The following OSBPL3 variants were observed in gnomAD, a reference collection of about 807,000 sequenced individuals.
The protein encoded by OSBPL3 is oxysterol-binding protein-related protein 3.
Under a neutral mutation model 120.1 loss-of-function variants are expected in OSBPL3, and 65 were observed. That is an observed-to-expected ratio of 0.54 (90% CI 0.44 to 0.67). OSBPL3 has a LOEUF of 0.67. Ranked by LOEUF, OSBPL3 falls within the 30% of genes least tolerant of loss-of-function variation. The pLI, the probability that OSBPL3 is intolerant of heterozygous loss-of-function variation, is 0.00. For missense variants in OSBPL3, 1,004 were observed against 1,082.1 expected, an observed-to-expected ratio of 0.93 and a Z score of 1.01; for synonymous variants, 416 against 402.6, an observed-to-expected ratio of 1.03 and a Z score of -0.40.
chr7:24,923,578 G>A (rs76754701), intron 1 of OSBPL3, among the ~76,000 whole-genome samples: 4 of 152,110 alleles, frequency 2.6e-5, no homozygotes, highest in African/African-American at 9.7e-5. Context: ...GAGAGGGAGG[G>A]AGAGACTAAA....
Position 24,871,922 on chromosome 7 carries a change from C to A in OSBPL3, c.213+31G>T. On this transcript the variant is annotated intron_variant, in intron 3 of 22. Coordinates refer to ENST00000313367, the MANE Select transcript of OSBPL3 (RefSeq NM_015550.4). The surrounding 1 kb of genome is among the most constrained non-coding windows in gnomAD (Gnocchi z 4.8). ...GGTGCTGAGTGGGGCAGTGTGAGTG[C>A]AAATAAAGGGGAGGCCAAGACCAAC... The A allele has an allele frequency of 6.6e-7, 1 of 1,524,114 alleles. No individual in the cohort carries two copies. The highest frequency in any genetic ancestry group is 1.7e-5 in the Admixed American group (1 of 59,926). The allele number at this position is 1,524,114 out of a possible 1,614,324, so 94.4% of individuals were successfully genotyped here. A position where few individuals can be genotyped will look rare whatever the true frequency, so the allele number is the denominator to read the frequency against.
chr7:24,972,825 AG>A lies in OSBPL3; in HGVS notation c.-150+7060del, dbSNP rs1290772947. Among the ~76,000 whole-genome samples, 1 of 152,122 alleles carries A rather than the reference AG, an allele frequency of 6.6e-6. No homozygotes were observed. Among genetic ancestry groups the A allele is most frequent in the Non-Finnish European group, 1.5e-5 (1 of 68,008 alleles). On this transcript the variant is annotated intron_variant, in intron 1 of 22. Coordinates refer to ENST00000313367, the MANE Select transcript of OSBPL3 (RefSeq NM_015550.4). This position sits in a 1 kb window ranked among gnomAD's most constrained non-coding sequence, Gnocchi z 4.3. The stretch of plus-strand genomic sequence containing the variant: ...ACTGTCCACCACAAATTACTTGGGG[AG>A]GGAGAAATATTTGTTTTATAAGATG...
In OSBPL3 at chr7:24,845,384, T is replaced by TAA. The variant is rs34559902; in HGVS notation, c.1267-2973_1267-2972dup. On this transcript the variant is annotated intron_variant, in intron 12 of 22. Transcript: ENST00000313367. The stretch of plus-strand genomic sequence containing the variant: ...GAATTTACAAATATTGCAAAATAAG[T>TAA]AAAAAAAAAAAAAAAAAAAAAAAAA... Among the ~76,000 whole-genome samples, 239 of 62,262 alleles carry TAA rather than the reference T, an allele frequency of 3.8e-3. 10 individuals are homozygous for TAA. The highest frequency in any genetic ancestry group is 0.01 in the South Asian group (12 of 1,180). 40.8% of individuals were successfully genotyped at this position (62,262 alleles called of 152,430 possible). A position where few individuals can be genotyped will look rare whatever the true frequency, so the allele number is the denominator to read the frequency against.
intron 1 of OSBPL3, among the ~76,000 whole-genome samples, chr7:24,950,562 A>G (rs1814284939): frequency 6.6e-6 from 1 of 151,498 alleles, no homozygotes; most frequent in African/African-American, 2.4e-5. Context: ...CTCTACTAAA[A>G]ATACAAAAAA....
intron 22 of OSBPL3, among the ~76,000 whole-genome samples, chr7:24,800,931 G>A (rs1340456056): frequency 6.7e-6 from 1 of 148,532 alleles, no homozygotes; most frequent in African/African-American, 2.5e-5. Context: ...CATAGGAAGT[G>A]GTTAACTTTT....
intron 1 of OSBPL3, among the ~76,000 whole-genome samples, chr7:24,914,745 G>T (rs1044808164): frequency 1.3e-5 from 2 of 152,276 alleles, no homozygotes; most frequent in Non-Finnish European, 2.9e-5. Flanking sequence ...TGAAACAAAA[G>T]ATGAAACAGG....
intron 1 of OSBPL3, among the ~76,000 whole-genome samples, chr7:24,903,775 T>G (rs1807419665): frequency 1.3e-5 from 2 of 152,196 alleles, no homozygotes; most frequent in African/African-American, 4.8e-5. Flanking sequence ...TATTGGCACA[T>G]GTCCCCTGAC....
In OSBPL3 at chr7:24,806,223, T is replaced by C. The variant is rs1270623095; in HGVS notation, c.2444+553A>G. On this transcript the variant is annotated intron_variant, in intron 21 of 22. Coordinates refer to ENST00000313367, the MANE Select transcript of OSBPL3 (RefSeq NM_015550.4). The surrounding 1 kb of genome is among the most constrained non-coding windows in gnomAD (Gnocchi z 5.2). Reference sequence around the variant, plus strand: ...CCGCCCGCTTCGGCCTCCCAAAGTGTTGTTTGTTTTTAATAAAGCCAAATG... The same window carrying C: ...CCGCCCGCTTCGGCCTCCCAAAGTGCTGTTTGTTTTTAATAAAGCCAAATG... Among the ~76,000 whole-genome samples, 1 of 152,166 alleles carries C rather than the reference T, an allele frequency of 6.6e-6. No individual in the cohort carries two copies. The highest frequency in any genetic ancestry group is 1.5e-5 in the Non-Finnish European group (1 of 68,024).
rs1794506235 is a variant in OSBPL3, at chr7:24,816,620, T to A, written c.2017A>T (p.Thr673Ser). 1 of 1,610,664 alleles carries A rather than the reference T, an allele frequency of 6.2e-7. No individual in the cohort carries two copies. Among genetic ancestry groups the A allele is most frequent in the Non-Finnish European group, 8.5e-7 (1 of 1,176,946 alleles). The part of the protein sequence containing the change: ...EIVPIGTTHV[T>S]LPVFGDHFEW... ...AGAAGAAGAACTTACACTGGCAGAGTCACATGGGTTGTGCCAATTGGAACA... is the reference window on the plus strand; with the variant it reads ...AGAAGAAGAACTTACACTGGCAGAGACACATGGGTTGTGCCAATTGGAACA... Residue 673 changes from threonine to serine, a missense_variant, in exon 18 of 23, where the codon ACT (threonine) becomes TCT (serine). This residue lies in a region of OSBPL3 where 473 missense variants were observed against 568.0 expected (regional missense o/e 0.83). Transcript: ENST00000313367.
Position 24,827,427 on chromosome 7 carries a change from C to G in OSBPL3, c.1884+3341G>C, listed in dbSNP as rs966779008. Among the ~76,000 whole-genome samples, 1 of 152,184 alleles carries G rather than the reference C, an allele frequency of 6.6e-6. No homozygotes were observed. Among genetic ancestry groups the G allele is most frequent in the Non-Finnish European group, 1.5e-5 (1 of 68,028 alleles). On this transcript the variant is annotated intron_variant, in intron 16 of 22. Coordinates refer to ENST00000313367, the MANE Select transcript of OSBPL3 (RefSeq NM_015550.4). This position sits in a 1 kb window ranked among gnomAD's most constrained non-coding sequence, Gnocchi z 5.1. Reference sequence around the variant, plus strand: ...CCTGCTGGCCAGGGAAAGGGAGGCCCTGGCCCTACACCCTTCCCACTTCTA... The same window carrying G: ...CCTGCTGGCCAGGGAAAGGGAGGCCGTGGCCCTACACCCTTCCCACTTCTA...
At chr7:24,971,947 G>C (rs1331666621) in intron 1 of OSBPL3, among the ~76,000 whole-genome samples, 2 of 152,166 alleles carry the variant, frequency 1.3e-5, no homozygotes, top group African/African-American at 4.8e-5. Context: ...TTTGCATGAA[G>C]CAGCCCTACA....
At chr7:24,951,745 G>A (rs1814470085) in intron 1 of OSBPL3, among the ~76,000 whole-genome samples, 1 of 152,178 alleles carries the variant, frequency 6.6e-6, no homozygotes, top group Non-Finnish European at 1.5e-5. Context: ...GGAGAAACCT[G>A]TATTAATGAT....
rs1276027588 is a variant in OSBPL3 at position 24,979,994 on chromosome 7, C to G, written c.-258G>C. On this transcript the variant is annotated 5_prime_UTR_variant, in exon 1 of 23. Transcript: ENST00000313367. The stretch of plus-strand genomic sequence containing the variant: ...CCCGGCTTCTCCGGTACCCCCGCAA[C>G]GTGCAGCTGACAGCTCCCGCACCGG... The G allele has an allele frequency of 2.6e-5, 26 of 985,332 alleles. No homozygotes were observed. The highest frequency in any genetic ancestry group is 3.0e-5 in the Non-Finnish European group (25 of 829,990). 61.0% of individuals were successfully genotyped at this position (985,332 alleles called of 1,614,324 possible).
chr7:24,834,368 CG>C lies in OSBPL3; in HGVS notation c.1746+117del, dbSNP rs1562795027. On this transcript the variant is annotated intron_variant, in intron 15 of 22. Coordinates refer to ENST00000313367, the MANE Select transcript of OSBPL3 (RefSeq NM_015550.4). This position sits in a 1 kb window ranked among gnomAD's most constrained non-coding sequence, Gnocchi z 5.2. ...CAGCTCTGAGTAATGAACCTGTTTA[CG>C]GAACAATCAAAATGAAACCGGAGGG... is the stretch of plus-strand genomic sequence containing the variant. 1 of 1,513,958 alleles carries C rather than the reference CG, an allele frequency of 6.6e-7. No homozygotes were observed. Among genetic ancestry groups the C allele is most frequent in the Non-Finnish European group, 8.8e-7 (1 of 1,132,130 alleles). 93.8% of individuals were successfully genotyped at this position (1,513,958 alleles called of 1,614,324 possible). A position where few individuals can be genotyped will look rare whatever the true frequency, so the allele number is the denominator to read the frequency against.
rs1188095536 is a variant in OSBPL3, at chr7:24,896,731, AT to A, written c.-149-4111del. 6.6e-6 allele frequency among the ~76,000 whole-genome samples: 1 copy of A among 152,134 alleles called. No homozygotes were observed. Among genetic ancestry groups the A allele is most frequent in the Non-Finnish European group, 1.5e-5 (1 of 68,016 alleles). ...AAATGTATTAAGCTCTCTGATTTAT[AT>A]TTTTTCCTGTATAAAATGGGGAATA... is the stretch of plus-strand genomic sequence containing the variant. On this transcript the variant is annotated intron_variant, in intron 1 of 22. Transcript: ENST00000313367. The surrounding 1 kb of genome is among the most constrained non-coding windows in gnomAD (Gnocchi z 4.4).
chr7:24,895,952 A>C (rs978196340), intron 1 of OSBPL3, among the ~76,000 whole-genome samples: 1 of 152,216 alleles, frequency 6.6e-6, no homozygotes, highest in South Asian at 2.1e-4. Context: ...ATCAAAAAAT[A>C]GAACATTTAC....
chr7:24,892,347 A>G, intron 2 of OSBPL3, 30 bp downstream of exon 2: 1 of 1,603,874 alleles, frequency 6.2e-7, no homozygotes, highest in Non-Finnish European at 8.5e-7. Flanking sequence ...TTACATTTGC[A>G]TATTAAAATT....
Position 24,804,352 on chromosome 7 carries a change from C to T in OSBPL3, c.2530G>A (p.Glu844Lys). ...GGCTGGTGCTCCACATGATTTTCTT[C>T]TAAGACCCGCCGCCTTTCTCTCTGC... ...QLQRERRRVL[E>K]ENHVEHQPRF... The change falls in exon 22 of 23, where the codon GAA becomes AAA. Residue 844 changes from glutamate (E) to lysine (K), a missense_variant. Glu to Lys is a moderately conservative substitution (Grantham distance 56). This residue lies in a region of OSBPL3 where 473 missense variants were observed against 568.0 expected (regional missense o/e 0.83). Transcript: ENST00000313367. The surrounding 1 kb of genome is among the most constrained non-coding windows in gnomAD (Gnocchi z 5.4). The T allele has an allele frequency of 6.2e-7, 1 of 1,614,174 alleles. No homozygotes were observed. Among genetic ancestry groups the T allele is most frequent in the South Asian group, 1.1e-5 (1 of 91,084 alleles).
At chr7:24,931,842 T>G (rs1279502129) in intron 1 of OSBPL3, among the ~76,000 whole-genome samples, 4 of 152,142 alleles carry the variant, frequency 2.6e-5, no homozygotes, top group Admixed American at 2.6e-4. Context: ...CAACAAACAC[T>G]TGCATCAACA....
Sources: gnomAD v4.1 joint callset for allele counts (sites outside exome capture counted in the v4.1 genomes callset) on GRCh38, gnomAD v4.1.1 for gene constraint, gnomAD v4.1.1 regional missense constraint, Gnocchi (gnomAD v3.1) non-coding constraint, MANE v1.5 for transcripts, NCBI Gene and HGNC (gene_info 2026-07-23, HGNC 2026-07-21) for gene names.